The following SHISA9 variants were observed in gnomAD, a reference collection of about 807,000 sequenced individuals.
The protein encoded by SHISA9 is shisa family member 9.
SHISA9 carries 13 observed loss-of-function variants against 38.0 expected under a neutral mutation model. The observed-to-expected ratio is 0.34, with a 90% CI of 0.22 to 0.54. The LOEUF (loss-of-function observed/expected upper bound fraction) is 0.54, where lower values mean the gene tolerates loss of function less well. Ranked by LOEUF, SHISA9 falls within the 20% of genes least tolerant of loss-of-function variation. The pLI is 0.91. For missense variants in SHISA9, 538 were observed against 575.8 expected (o/e 0.93, Z 0.67); for synonymous variants, 275 against 242.0 (o/e 1.14, Z -1.27).
At chr16:13,307,948 T>A in the SHISA9 span, among the ~76,000 whole-genome samples, 13 of 152,218 alleles carry the variant, frequency 8.5e-5, no homozygotes, top group African/African-American at 2.9e-4. Flanking sequence ...GTTACCAAAA[T>A]GAACTTGCGT....
intron 1 of SHISA9, among the ~76,000 whole-genome samples, chr16:12,905,964 C>T (rs1489839920): frequency 6.6e-6 from 1 of 152,234 alleles, no homozygotes; most frequent in East Asian, 1.9e-4. Context: ...GGGGCTACCC[C>T]AGGTACCTGC....
At chr16:13,212,796 G>A (rs1333654078) in intron 3 of SHISA9, among the ~76,000 whole-genome samples, 2 of 152,154 alleles carry the variant, frequency 1.3e-5, no homozygotes, top group African/African-American at 2.4e-5. Context: ...CCTTGAATCT[G>A]GGGCTAATAA....
the SHISA9 span, among the ~76,000 whole-genome samples, chr16:13,386,376 C>A: frequency 6.6e-6 from 1 of 152,096 alleles, no homozygotes; most frequent in Non-Finnish European, 1.5e-5. Flanking sequence ...TACTTTAATG[C>A]GAGTTCTATG....
intron 2 of SHISA9, among the ~76,000 whole-genome samples, chr16:12,990,401 CA>C (rs955316015): frequency 2.0e-5 from 3 of 152,226 alleles, no homozygotes; most frequent in African/African-American, 7.2e-5. Flanking sequence ...CTCCCACCAA[CA>C]GTGTAAAAGT....
intron 2 of SHISA9, among the ~76,000 whole-genome samples, chr16:13,200,141 A>G (rs1055388382): frequency 4.6e-5 from 7 of 152,158 alleles, no homozygotes; most frequent in Non-Finnish European, 8.8e-5. Flanking sequence ...CCAGTCGACC[A>G]CATTGCATCT....
At chr16:13,540,195 A>C in the SHISA9 span, among the ~76,000 whole-genome samples, 2 of 25,984 alleles carry the variant, frequency 7.7e-5, no homozygotes, top group African/African-American at 2.2e-4. Flanking sequence ...ATACATGCCC[A>C]CACACACACA....
the SHISA9 span, among the ~76,000 whole-genome samples, chr16:13,265,419 CT>C: frequency 8.1e-6 from 1 of 123,292 alleles, no homozygotes. Flanking sequence ...CTCCTCCCCC[CT>C]CCCCTCCTCT....
intron 2 of SHISA9, among the ~76,000 whole-genome samples, chr16:12,946,528 G>C (rs369733016): frequency 6.6e-6 from 1 of 152,342 alleles, no homozygotes; most frequent in African/African-American, 2.4e-5. Context: ...CAAGCAAGGA[G>C]ATAGTCTTGG....
chr16:13,354,435 C>T, the SHISA9 span, among the ~76,000 whole-genome samples: 1 of 150,988 alleles, frequency 6.6e-6, no homozygotes, highest in Non-Finnish European at 1.5e-5. Flanking sequence ...GGTGTGGTAT[C>T]AGGAATAATG....
chr16:13,480,579 G>A, the SHISA9 span, among the ~76,000 whole-genome samples: 4 of 152,098 alleles, frequency 2.6e-5, no homozygotes, highest in Non-Finnish European at 4.4e-5. Flanking sequence ...GCTATTCCCT[G>A]ATGACACAGG....
the SHISA9 span, among the ~76,000 whole-genome samples, chr16:13,255,157 T>C: frequency 6.6e-6 from 1 of 152,154 alleles, no homozygotes; most frequent in African/African-American, 2.4e-5. Flanking sequence ...TTCTCTCTCT[T>C]GCTATGGTTC....
At chr16:12,964,113 C>T (rs185558516) in intron 2 of SHISA9, among the ~76,000 whole-genome samples, 1 of 152,142 alleles carries the variant, frequency 6.6e-6, no homozygotes, top group Non-Finnish European at 1.5e-5. Flanking sequence ...TAGGTCTGTT[C>T]TGAATATGTT....
At chr16:13,324,330 A>G in the SHISA9 span, among the ~76,000 whole-genome samples, 1 of 152,110 alleles carries the variant, frequency 6.6e-6, no homozygotes, top group Non-Finnish European at 1.5e-5. Flanking sequence ...CTGAGCCAGG[A>G]CCTAGCTCTG....
At chr16:13,173,554 A>G (rs535305392) in intron 2 of SHISA9, among the ~76,000 whole-genome samples, 1 of 152,212 alleles carries the variant, frequency 6.6e-6, no homozygotes, top group African/African-American at 2.4e-5. Context: ...ACTGGGGGCA[A>G]TTTTGCTCCC....
At chr16:13,431,436 C>T in the SHISA9 span, among the ~76,000 whole-genome samples, 2 of 152,228 alleles carry the variant, frequency 1.3e-5, no homozygotes, top group Non-Finnish European at 2.9e-5. Flanking sequence ...GTGATGCTTT[C>T]TTGCTTATAT....
At chr16:13,124,539 G>A (rs753536942) in intron 2 of SHISA9, among the ~76,000 whole-genome samples, 90 of 152,136 alleles carry the variant, frequency 5.9e-4, no homozygotes, top group Admixed American at 1.2e-3. Context: ...TGGACTCTGT[G>A]TGCCCCAGAC....
At chr16:12,998,057 C>T (rs888682294) in intron 2 of SHISA9, among the ~76,000 whole-genome samples, 2 of 152,142 alleles carry the variant, frequency 1.3e-5, no homozygotes, top group African/African-American at 4.8e-5. Context: ...GTTGTATCTG[C>T]GGTACCTGTA....
chr16:13,404,566 A>G, the SHISA9 span, among the ~76,000 whole-genome samples: 5 of 152,190 alleles, frequency 3.3e-5, no homozygotes, highest in Non-Finnish European at 5.9e-5. Flanking sequence ...AGGTGGCCAG[A>G]GCACAGAGAA....
At chr16:13,295,307 G>A in the SHISA9 span, among the ~76,000 whole-genome samples, 19 of 152,296 alleles carry the variant, frequency 1.2e-4, no homozygotes, top group East Asian at 1.9e-3. Context: ...TTATCTGACC[G>A]AAAGAGTTGG....
Sources: gnomAD v4.1 joint callset for allele counts (sites outside exome capture counted in the v4.1 genomes callset) on GRCh38, gnomAD v4.1.1 for gene constraint, MANE v1.5 for transcripts, NCBI Gene and HGNC (gene_info 2026-07-23, HGNC 2026-07-21) for gene names.